Variants in STYXL1 observed in about 807,000 individuals in gnomAD.
STYXL1 encodes the protein serine/threonine/tyrosine interacting like 1, also known as serine/threonine/tyrosine-interacting-like protein 1.
In STYXL1, 32 loss-of-function variants were observed where a neutral mutation model predicts 36.4. The ratio of observed to expected loss-of-function variants is 0.88; its 90% confidence interval spans 0.66 to 1.18. The LOEUF is 1.18. Ranked by LOEUF, STYXL1 falls within the 50% of genes most tolerant of loss-of-function variation. The pLI, the probability that STYXL1 is intolerant of heterozygous loss-of-function variation, is 0.00. For missense variants in STYXL1, 354 were observed against 394.1 expected, an observed-to-expected ratio of 0.90 and a Z score of 0.86; for synonymous variants, 133 against 144.1, an observed-to-expected ratio of 0.92 and a Z score of 0.55.
chr7:76,025,309 A>T (rs560350103), intron 3 of STYXL1, among the ~76,000 whole-genome samples: 148 of 151,586 alleles, frequency 9.8e-4, no homozygotes, highest in African/African-American at 3.3e-3. Context: ...TCAAAAAATA[A>T]AAATAAAAAT....
chr7:76,016,269 T>C (rs556871786), intron 4 of STYXL1, among the ~76,000 whole-genome samples: 84 of 149,664 alleles, frequency 5.6e-4, no homozygotes, highest in African/African-American at 2.0e-3. Context: ...TCTATATGTA[T>C]GTGTGTATAT....
Position 76,006,803 on chromosome 7 carries a change from C to CAAA in STYXL1, c.454-1402_454-1400dup, listed in dbSNP as rs1259196410. Among the ~76,000 whole-genome samples the CAAA allele has an allele frequency of 1.0e-4, 15 of 150,460 alleles. 1 individual carries two copies. Among genetic ancestry groups the CAAA allele is most frequent in the South Asian group, 2.1e-4 (1 of 4,802 alleles). ...AAAAACAAAACAACAACAACAACAACAAAAAACTTTCGTTTATTTGAAACA... is the reference window on the plus strand; with the variant it reads ...AAAAACAAAACAACAACAACAACAACAAAAAAAAACTTTCGTTTATTTGAAACA... On this transcript the variant is annotated intron_variant, in intron 5 of 8. Coordinates refer to ENST00000359697, the MANE Select transcript of STYXL1 (RefSeq NM_001317785.2).
At chr7:76,038,243 CAG>C in intron 1 of STYXL1, among the ~76,000 whole-genome samples, 1 of 148,498 alleles carries the variant, frequency 6.7e-6, no homozygotes, top group Middle Eastern at 3.7e-3. Flanking sequence ...TTTGTAGAGA[CAG>C]GGTCTCGCTT....
At chr7:76,020,163 A>G (rs1267085923) in intron 4 of STYXL1, among the ~76,000 whole-genome samples, 8 of 152,174 alleles carry the variant, frequency 5.3e-5, no homozygotes, top group African/African-American at 1.7e-4. Context: ...CTAGGGTTTC[A>G]AGGCCTAGCC....
chr7:76,024,766 T>C (rs1794475703), intron 3 of STYXL1, among the ~76,000 whole-genome samples: 1 of 151,872 alleles, frequency 6.6e-6, no homozygotes, highest in African/African-American at 2.4e-5. Flanking sequence ...CTGACCAATA[T>C]GGTGAAACTC....
intron 3 of STYXL1, among the ~76,000 whole-genome samples, chr7:76,026,857 G>GCCAA (rs1428736260): frequency 6.6e-6 from 1 of 152,116 alleles, no homozygotes; most frequent in Non-Finnish European, 1.5e-5. Flanking sequence ...GACCAGCCTG[G>GCCAA]CCAACATGGT....
chr7:76,013,419 GTTTGTTTTTGTT>G lies in STYXL1; in HGVS notation c.453+311_453+322del, dbSNP rs367788133. 3.4e-5 allele frequency among the ~76,000 whole-genome samples: 5 copies of G among 147,222 alleles called. No individual in the cohort carries two copies. The East Asian group carries it at 9.9e-4, about 29-fold the overall frequency. ...GGAGTCCAGATCTAGTTTTTTTTTT[GTTTGTTTTTGTT>G]TTTGTTTTTGTTTGAGACAGTCTTA... On this transcript the variant is annotated intron_variant, in intron 5 of 8. Transcript: ENST00000359697.
At chr7:76,027,726 CA>C (rs782154496) in intron 3 of STYXL1, among the ~76,000 whole-genome samples, 29 of 152,100 alleles carry the variant, frequency 1.9e-4, no homozygotes, top group Non-Finnish European at 3.4e-4. Context: ...GAAAGCTCCA[CA>C]ACGGCAGGGA....
chr7:76,021,931 A>G lies in STYXL1; in HGVS notation c.227T>C (p.Val76Ala), dbSNP rs781936886. The G allele has an allele frequency of 1.2e-6, 2 of 1,613,484 alleles. No individual in the cohort carries two copies. Among genetic ancestry groups the G allele is most frequent in the Non-Finnish European group, 1.7e-6 (2 of 1,180,010 alleles). Residue 76 changes from valine to alanine, a missense_variant, in exon 4 of 9, where the codon GTG becomes GCG. Physicochemically the swap from Val to Ala is moderately conservative, Grantham distance 64. Transcript: ENST00000359697. Reference protein sequence around the residue: ...VDLECVKYCVVYDNNSSTLEI... With the variant: ...VDLECVKYCVAYDNNSSTLEI... ...CAGGGTGCTGCTGTTGTTATCATAC[A>G]CCACGCAGTACTTCACACACTCCAG...
intron 7 of STYXL1, among the ~76,000 whole-genome samples, chr7:76,001,894 C>T (rs1216647916): frequency 6.9e-6 from 1 of 145,528 alleles, no homozygotes; most frequent in East Asian, 2.1e-4. Flanking sequence ...CCCACCTTGG[C>T]TTCTCAAAGT....
chr7:75,998,879 T>C (rs965071764), intron 8 of STYXL1: 18 of 152,176 alleles, frequency 1.2e-4, no homozygotes, highest in South Asian at 2.1e-4. Flanking sequence ...AAAAGGATAA[T>C]AGAAGAATAT....
At chr7:76,008,610 G>A (rs1478617986) in intron 5 of STYXL1, among the ~76,000 whole-genome samples, 8 of 152,124 alleles carry the variant, frequency 5.3e-5, no homozygotes, top group Non-Finnish European at 1.0e-4. Context: ...CACTGCCTGC[G>A]GGCAGGCCCA....
intron 7 of STYXL1, among the ~76,000 whole-genome samples, chr7:76,002,734 G>A (rs782556626): frequency 6.6e-5 from 10 of 151,954 alleles, no homozygotes; most frequent in Non-Finnish European, 1.3e-4. Flanking sequence ...GACCAGTTTG[G>A]GCAACATGGC....
intron 6 of STYXL1, among the ~76,000 whole-genome samples, chr7:76,004,234 C>T (rs932756462): frequency 1.3e-5 from 2 of 152,150 alleles, no homozygotes; most frequent in South Asian, 2.1e-4. Context: ...GCTGGGATTA[C>T]AGGCATGTGC....
intron 1 of STYXL1, 22 bp downstream of exon 1, chr7:76,047,640 C>G (rs1797310529): frequency 5.8e-6 from 1 of 171,388 alleles, no homozygotes; most frequent in Admixed American, 5.7e-5. Flanking sequence ...CGCCTAAGGA[C>G]TCTCAGCCTC....
At position 76,022,005 on chromosome 7, in the gene STYXL1, A is replaced by C. The variant is rs373898085; in HGVS notation, c.166-13T>G. 147 of 1,593,536 alleles carry C rather than the reference A, an allele frequency of 9.2e-5. No individual in the cohort carries two copies. Among genetic ancestry groups the C allele is most frequent in the South Asian group, 2.9e-4 (26 of 88,810 alleles). On this transcript the variant is annotated splice_polypyrimidine_tract_variant and intron_variant, in intron 3 of 8. Coordinates refer to ENST00000359697, the MANE Select transcript of STYXL1 (RefSeq NM_001317785.2). ...ATTCATTATTTTTCTTAAAAAAAAA[A>C]ACACACACACACAAGAGAGGCCTGT... is the stretch of plus-strand genomic sequence containing the variant.
intron 5 of STYXL1, among the ~76,000 whole-genome samples, chr7:76,009,112 G>T (rs1171706404): frequency 6.6e-6 from 1 of 152,110 alleles, no homozygotes; most frequent in Non-Finnish European, 1.5e-5. Flanking sequence ...CGGTTGTGTG[G>T]GTTTGGCTGG....
chr7:76,028,762 CAG>C, intron 2 of STYXL1, 59 bp from the exon 3 acceptor site: 1 of 1,456,490 alleles, frequency 6.9e-7, no homozygotes, highest in Non-Finnish European at 9.6e-7. Context: ...CCAAACTACT[CAG>C]AGGACCTACG....
chr7:76,043,315 G>C (rs1554582624), intron 1 of STYXL1, among the ~76,000 whole-genome samples: 1 of 151,856 alleles, frequency 6.6e-6, no homozygotes. Flanking sequence ...CTAATTTTTT[G>C]TATTTGTAGA....
Sources: gnomAD v4.1 joint callset for allele counts (sites outside exome capture counted in the v4.1 genomes callset) on GRCh38, gnomAD v4.1.1 for gene constraint, MANE v1.5 for transcripts, NCBI Gene and HGNC (gene_info 2026-07-23, HGNC 2026-07-21) for gene names.